Variants in COL4A3 observed in about 807,000 individuals in gnomAD.
COL4A3 encodes collagen type IV alpha 3 chain, also known as collagen alpha-3(IV) chain.
In COL4A3, 135 loss-of-function variants were observed where a neutral mutation model predicts 217.4. The ratio of observed to expected loss-of-function variants is 0.62; its 90% CI spans 0.54 to 0.72. The LOEUF is 0.72. Among genes scored for constraint, COL4A3 ranks in the 30% least tolerant of loss-of-function variants. The probability of loss-of-function intolerance (pLI) is 0.00; values close to 1 mark genes in which losing one functional copy is unlikely to be tolerated. For missense variants in COL4A3, 1,868 were observed against 2,119.9 expected (o/e 0.88, Z 2.33); for synonymous variants, 690 against 736.3 (o/e 0.94, Z 1.02).
intron 1 of COL4A3, among the ~76,000 whole-genome samples, chr2:227,166,120 A>G (rs200172364): frequency 1.3e-5 from 2 of 152,210 alleles, no homozygotes; most frequent in East Asian, 3.8e-4. Flanking sequence ...ACAGTATTTC[A>G]CAATATGCCA....
At chr2:227,296,729 G>C (rs7600181) in intron 41 of COL4A3, among the ~76,000 whole-genome samples, 82 of 152,212 alleles carry the variant, frequency 5.4e-4, no homozygotes, top group African/African-American at 1.9e-3. Flanking sequence ...TAAATTACAG[G>C]CATTAAAAAG....
intron 20 of COL4A3, among the ~76,000 whole-genome samples, chr2:227,263,226 T>C (rs1432447620): frequency 6.6e-6 from 1 of 152,256 alleles, no homozygotes; most frequent in South Asian, 2.1e-4. Flanking sequence ...CTCTTCTTAA[T>C]AGTTAAACTG....
intron 34 of COL4A3, among the ~76,000 whole-genome samples, chr2:227,287,096 C>T (rs148910427): frequency 1.2e-3 from 188 of 152,312 alleles, no homozygotes; most frequent in African/African-American, 4.3e-3. Flanking sequence ...CATATGGTCC[C>T]TGTTGCATAT....
At chr2:227,180,381 T>C (rs1045428415) in intron 1 of COL4A3, among the ~76,000 whole-genome samples, 1 of 152,190 alleles carries the variant, frequency 6.6e-6, no homozygotes, top group African/African-American at 2.4e-5. Context: ...TGTCTGTGCC[T>C]GGGACTGTGC....
chr2:227,267,613 G>A (rs1265436627), intron 23 of COL4A3, among the ~76,000 whole-genome samples: 1 of 152,046 alleles, frequency 6.6e-6, no homozygotes, highest in Non-Finnish European at 1.5e-5. Context: ...ACAAACTGAG[G>A]GTACATTTGA....
chr2:227,192,769 C>G (rs2066294678), intron 1 of COL4A3, among the ~76,000 whole-genome samples: 2 of 152,124 alleles, frequency 1.3e-5, no homozygotes, highest in African/African-American at 4.8e-5. Context: ...AATGAACAAT[C>G]CTTGACGAAT....
In COL4A3 at chr2:227,263,735, A is replaced by G. The variant is rs1227245728; in HGVS notation, c.1151-45A>G. ...GCAATTAAAAAATAAATTCGTATTA[A>G]TCAGGAAAAAATGTAAAATACAAGA... On this transcript the variant is annotated intron_variant, in intron 20 of 51. Transcript: ENST00000396578. 4 of 1,565,778 alleles carry G rather than the reference A, an allele frequency of 2.6e-6. No individual in the cohort carries two copies. The South Asian group carries it at 3.5e-5, about 14-fold the overall frequency.
intron 1 of COL4A3, among the ~76,000 whole-genome samples, chr2:227,210,888 A>G (rs1341801835): frequency 1.3e-5 from 2 of 152,092 alleles, no homozygotes; most frequent in African/African-American, 2.4e-5. Flanking sequence ...GGGGAACTCT[A>G]TATAAATGGA....
At chr2:227,270,661 G>GA (rs2071180127) in intron 24 of COL4A3, 109 bp from the exon 25 acceptor site, 4 of 1,119,954 alleles carry the variant, frequency 3.6e-6, no homozygotes, top group East Asian at 5.0e-5. Flanking sequence ...AGAGTGTGTT[G>GA]AAAAAATTCA....
intron 1 of COL4A3, among the ~76,000 whole-genome samples, chr2:227,229,037 C>A (rs72977857): frequency 6.6e-6 from 1 of 152,296 alleles, no homozygotes; most frequent in Non-Finnish European, 1.5e-5. Flanking sequence ...CCTAGACTCA[C>A]AGAGGTGAGG....
chr2:227,290,131 G>T (rs751046909), intron 36 of COL4A3, 43 bp downstream of exon 36: 1 of 1,551,318 alleles, frequency 6.4e-7, no homozygotes, highest in African/African-American at 1.4e-5. Flanking sequence ...GCTCATGATG[G>T]GTGAGGACTC....
At chr2:227,186,139 G>A (rs1390746976) in intron 1 of COL4A3, among the ~76,000 whole-genome samples, 1 of 152,176 alleles carries the variant, frequency 6.6e-6, no homozygotes, top group Non-Finnish European at 1.5e-5. Flanking sequence ...CCCACCCTTG[G>A]GGTGGTGTTT....
intron 1 of COL4A3, among the ~76,000 whole-genome samples, chr2:227,215,053 G>A (rs928051632): frequency 1.1e-3 from 160 of 152,288 alleles, no homozygotes; most frequent in African/African-American, 3.7e-3. Flanking sequence ...GGATTAAAAT[G>A]AGAAATTAAC....
Position 227,282,298 on chromosome 2 carries a change from ATATT to A in COL4A3, c.2489-65_2489-62del. 1.4e-6 allele frequency: 1 copy of A among 717,910 alleles called. No homozygotes were observed. The highest frequency in any genetic ancestry group is 1.5e-5 in the South Asian group (1 of 66,590). 44.5% of individuals were successfully genotyped at this position (717,910 alleles called of 1,614,324 possible). On this transcript the variant is annotated intron_variant, in intron 31 of 51. Transcript: ENST00000396578. The surrounding 1 kb of genome is among the most constrained non-coding windows in gnomAD (Gnocchi z 4.4). ...AAAATATATATATATATATATATAT[ATATT>A]TCTGAAGTTAGTAGGGGAAAGCATT...
At chr2:227,220,134 T>TTGTGTG (rs1359850522) in intron 1 of COL4A3, among the ~76,000 whole-genome samples, 13 of 98,376 alleles carry the variant, frequency 1.3e-4, no homozygotes, top group African/African-American at 4.9e-4. Context: ...TAAGGCGGTT[T>TTGTGTG]TATGTGTGTG....
chr2:227,183,373 T>C (rs2065917260), intron 1 of COL4A3, among the ~76,000 whole-genome samples: 1 of 151,910 alleles, frequency 6.6e-6, no homozygotes, highest in South Asian at 2.1e-4. Flanking sequence ...AAAAATAAAT[T>C]AGAAAAAAGA....
rs530668242 is a variant in COL4A3, at chr2:227,262,126, AT to A, written c.1150+1011del. Among the ~76,000 whole-genome samples the A allele has an allele frequency of 2.6e-5, 4 of 152,346 alleles. No homozygotes were observed. In the East Asian group the frequency reaches 7.7e-4, roughly 29 times the overall value. The stretch of plus-strand genomic sequence containing the variant: ...ACTATAAGTATACTATAATTTCACT[AT>A]TAAAAAAATAGATACAGAAATGGAT... On this transcript the variant is annotated intron_variant, in intron 20 of 51. Coordinates refer to ENST00000396578, the MANE Select transcript of COL4A3 (RefSeq NM_000091.5).
At chr2:227,243,711 C>T (rs1485466117) in intron 3 of COL4A3, among the ~76,000 whole-genome samples, 1 of 152,230 alleles carries the variant, frequency 6.6e-6, no homozygotes, top group Non-Finnish European at 1.5e-5. Context: ...AAACAGTCAC[C>T]ATTTAAGCTT....
chr2:227,220,409 C>T (rs112881754), intron 1 of COL4A3, among the ~76,000 whole-genome samples: 26,587 of 151,818 alleles, frequency 0.18, 2,954 homozygotes, highest in East Asian at 0.57. Flanking sequence ...TCTCAAACTA[C>T]TGACCTCAAG....
Sources: allele counts gnomAD v4.1 joint callset (sites outside exome capture counted in the v4.1 genomes callset), GRCh38; gene constraint gnomAD v4.1.1; non-coding constraint Gnocchi (gnomAD v3.1); transcripts MANE v1.5; gene names NCBI Gene and HGNC (gene_info 2026-07-23, HGNC 2026-07-21).